The following WDR27 variants were observed in gnomAD, a reference collection of about 807,000 sequenced individuals.
The protein encoded by WDR27 is WD repeat domain 27.
WDR27 carries 100 observed loss-of-function variants against 114.4 expected under a neutral mutation model. That is an observed-to-expected ratio of 0.87 (90% CI 0.74 to 1.03). WDR27 has a LOEUF of 1.03. Among genes scored for constraint, WDR27 ranks in the 50% least tolerant of loss-of-function variants. The pLI is 0.00. For synonymous variants in WDR27, 449 were observed against 423.1 expected, an observed-to-expected ratio of 1.06 and a Z score of -0.75; for missense variants, 1,129 against 1,092.9, an observed-to-expected ratio of 1.03 and a Z score of -0.47.
chr6:169,610,945 T>C (rs1810384595), intron 22 of WDR27, among the ~76,000 whole-genome samples: 1 of 152,254 alleles, frequency 6.6e-6, no homozygotes, highest in East Asian at 1.9e-4. Context: ...TTGGGTACAA[T>C]GTATAGACTC....
At chr6:169,438,649 T>C in the WDR27 span, among the ~76,000 whole-genome samples, 16 of 152,218 alleles carry the variant, frequency 1.1e-4, no homozygotes, top group Non-Finnish European at 1.9e-4. Flanking sequence ...ACACATACTC[T>C]CGCAGTATCT....
chr6:169,541,132 G>GAA (rs200558026), intron 25 of WDR27, among the ~76,000 whole-genome samples: 4 of 136,634 alleles, frequency 2.9e-5, no homozygotes, highest in African/African-American at 1.1e-4. Flanking sequence ...GGAAAGGCAA[G>GAA]AAAAAAAAAA....
chr6:169,648,630 G>A (rs1346563833), intron 15 of WDR27, among the ~76,000 whole-genome samples: 1 of 152,254 alleles, frequency 6.6e-6, no homozygotes, highest in Non-Finnish European at 1.5e-5. Context: ...GTAGACCCAT[G>A]TACGTTAAAA....
At chr6:169,664,500 G>A (rs930894885) in intron 7 of WDR27, 2 of 1,409,974 alleles carry the variant, frequency 1.4e-6, no homozygotes, top group Non-Finnish European at 9.2e-7. Flanking sequence ...CACACGGCTG[G>A]CACATCAGCT....
In WDR27 at chr6:169,481,567, G is replaced by A. The variant is rs866747546; in HGVS notation, c.2646-23933C>T. 2.6e-5 allele frequency among the ~76,000 whole-genome samples: 4 copies of A among 152,220 alleles called. 1 individual carries two copies. Among genetic ancestry groups the A allele is most frequent in the Middle Eastern group, 6.3e-3 (2 of 316 alleles). ...GCTGTAGCACTCACCGCAAAAGTCT[G>A]CAGCTTCACTCCTGAGGCCAGTGAG... On this transcript the variant is annotated intron_variant, in intron 25 of 25. Transcript: ENST00000448612.
intron 1 of WDR27, among the ~76,000 whole-genome samples, chr6:169,696,785 G>A (rs1049301373): frequency 1.1e-4 from 17 of 152,112 alleles, no homozygotes; most frequent in East Asian, 9.7e-4. Context: ...ATGGTGGCAC[G>A]TGCCTGTAGT....
At chr6:169,459,215 G>A (rs915599647) in intron 25 of WDR27, among the ~76,000 whole-genome samples, 1 of 152,124 alleles carries the variant, frequency 6.6e-6, no homozygotes, top group African/African-American at 2.4e-5. Context: ...TGTGGATAAA[G>A]TGAGGAAAAT....
At chr6:169,454,216 G>A (rs1409040658), downstream of WDR27, among the ~76,000 whole-genome samples, 1 of 152,170 alleles carries the variant, frequency 6.6e-6, no homozygotes, top group African/African-American at 2.4e-5. Context: ...ATATTTGTGT[G>A]AGCTATATGA....
the WDR27 span, among the ~76,000 whole-genome samples, chr6:169,430,759 A>G: frequency 6.6e-6 from 1 of 152,256 alleles, no homozygotes; most frequent in Non-Finnish European, 1.5e-5. Flanking sequence ...AGTCATTCAA[A>G]GAAACGTAAA....
downstream of WDR27, among the ~76,000 whole-genome samples, chr6:169,455,156 T>G (rs762054173): frequency 8.5e-5 from 13 of 152,178 alleles, no homozygotes; most frequent in Non-Finnish European, 1.9e-4. Flanking sequence ...CACACAGACC[T>G]TGGAAAAGGC....
chr6:169,665,621 G>C, intron 6 of WDR27, 65 bp from the exon 7 acceptor site: 1 of 1,469,988 alleles, frequency 6.8e-7, no homozygotes, highest in Non-Finnish European at 9.4e-7. Flanking sequence ...CCCGAGAACT[G>C]TCAGTTTTAC....
intron 2 of WDR27, among the ~76,000 whole-genome samples, chr6:169,680,044 C>T (rs1039108241): frequency 1.3e-5 from 2 of 152,134 alleles, no homozygotes; most frequent in African/African-American, 2.4e-5. Context: ...CTAGAATTCT[C>T]TACTCAATAT....
chr6:169,690,152 A>G lies in WDR27; in HGVS notation c.-7-1140T>C, dbSNP rs529558093. ...CCTCATGCTGGTCATGTGGATTCAA[A>G]GGATCCACCCATTAGGCCCTCATGC... On this transcript the variant is annotated intron_variant, in intron 1 of 25. Coordinates refer to ENST00000448612, the MANE Select transcript of WDR27 (RefSeq NM_182552.5). 5.3e-5 allele frequency among the ~76,000 whole-genome samples: 8 copies of G among 151,910 alleles called. No homozygotes were observed. In the South Asian group the frequency reaches 1.7e-3, roughly 32 times the overall value.
intron 25 of WDR27, among the ~76,000 whole-genome samples, chr6:169,527,327 T>C (rs1780797436): frequency 6.6e-6 from 1 of 152,152 alleles, no homozygotes. Context: ...TACTAATACA[T>C]GATATAACAC....
rs145633433 is a variant in WDR27 at position 169,489,843 on chromosome 6, C to T, written c.2646-32209G>A. 4.4e-3 allele frequency among the ~76,000 whole-genome samples: 677 copies of T among 152,332 alleles called. 3 individuals are homozygous for T. The highest frequency in any genetic ancestry group is 7.8e-3 in the Non-Finnish European group (534 of 68,032). ...TGTCTCTAATCCAGGATAAATATTTCCACTGTGTTTAAAGTTCCTGAGTCC... is the reference window on the plus strand; with the variant it reads ...TGTCTCTAATCCAGGATAAATATTTTCACTGTGTTTAAAGTTCCTGAGTCC... On this transcript the variant is annotated intron_variant, in intron 25 of 25. Coordinates refer to ENST00000448612, the MANE Select transcript of WDR27 (RefSeq NM_182552.5).
At chr6:169,470,252 C>T (rs1054730846) in intron 25 of WDR27, among the ~76,000 whole-genome samples, 1 of 152,188 alleles carries the variant, frequency 6.6e-6, no homozygotes, top group African/African-American at 2.4e-5. Flanking sequence ...CATTCCCTCT[C>T]AGAAGATAGA....
chr6:169,448,453 G>C, the WDR27 span, among the ~76,000 whole-genome samples: 1 of 150,694 alleles, frequency 6.6e-6, no homozygotes, highest in African/African-American at 2.4e-5. Context: ...CTATTGTGCA[G>C]ATACAGTTGA....
rs141273188 is a variant in WDR27, at chr6:169,593,077, T to C, written c.2424+9142A>G. On this transcript the variant is annotated intron_variant, in intron 23 of 25. Transcript: ENST00000448612. ...TCCTATTTAAGCTTTTCAATTGATA[T>C]TCATAAATGAAATATAACTCCTTTC... Among the ~76,000 whole-genome samples the C allele has an allele frequency of 5.9e-5, 9 of 152,360 alleles. No individual in the cohort carries two copies. In the East Asian group the frequency reaches 7.7e-4, roughly 13 times the overall value.
At chr6:169,442,848 C>A in the WDR27 span, among the ~76,000 whole-genome samples, 1 of 152,178 alleles carries the variant, frequency 6.6e-6, no homozygotes, top group Non-Finnish European at 1.5e-5. Flanking sequence ...CCTCCTGCTG[C>A]CTGGGGATTC....
Sources: gnomAD v4.1 joint callset for allele counts (sites outside exome capture counted in the v4.1 genomes callset) on GRCh38, gnomAD v4.1.1 for gene constraint, MANE v1.5 for transcripts, NCBI Gene and HGNC (gene_info 2026-07-23, HGNC 2026-07-21) for gene names.